The following CNTNAP5 variants were observed in gnomAD, a reference collection of about 807,000 sequenced individuals.
The protein encoded by CNTNAP5 is contactin associated protein family member 5, also known as contactin-associated protein-like 5.
A neutral mutation model predicts 150.2 loss-of-function variants in CNTNAP5; 72 were observed. The observed-to-expected ratio is 0.48, with a 90% CI of 0.40 to 0.58. The LOEUF is 0.58. Ranked by LOEUF, CNTNAP5 falls within the 20% of genes least tolerant of loss-of-function variation. The pLI is 0.00. For synonymous variants in CNTNAP5, 672 were observed against 619.8 expected (o/e 1.08, Z -1.25); for missense variants, 1,636 against 1,626.2 (o/e 1.01, Z -0.10).
intron 13 of CNTNAP5, among the ~76,000 whole-genome samples, chr2:124,714,757 A>G (rs1364643544): frequency 6.6e-6 from 1 of 151,832 alleles, no homozygotes; most frequent in Non-Finnish European, 1.5e-5. Context: ...AGCTACCTAC[A>G]TATTAAATAT....
At chr2:124,832,893 C>T (rs1434010698) in intron 19 of CNTNAP5, among the ~76,000 whole-genome samples, 2 of 149,996 alleles carry the variant, frequency 1.3e-5, no homozygotes, top group African/African-American at 2.5e-5. Context: ...AAGCTCTGAA[C>T]TTTCTTTTTC....
intron 1 of CNTNAP5, among the ~76,000 whole-genome samples, chr2:124,090,748 T>C (rs2104685769): frequency 6.6e-6 from 1 of 152,348 alleles, no homozygotes; most frequent in African/African-American, 2.4e-5. Flanking sequence ...AGAAACTTTT[T>C]TGTTATCTTT....
intron 19 of CNTNAP5, among the ~76,000 whole-genome samples, chr2:124,820,543 G>A (rs1682465358): frequency 1.3e-5 from 2 of 151,918 alleles, no homozygotes; most frequent in Non-Finnish European, 1.5e-5. Context: ...GAAAGGGGGG[G>A]GAGAAAGAAA....
Position 124,918,425 on chromosome 2 carries a change from CTGAG to C in CNTNAP5, c.*4144_*4147del, listed in dbSNP as rs1291345562. Among the ~76,000 whole-genome samples, 12 of 152,148 alleles carry C rather than the reference CTGAG, an allele frequency of 7.9e-5. No individual in the cohort carries two copies. The highest frequency in any genetic ancestry group is 3.9e-4 in the East Asian group (2 of 5,154). On this transcript the variant is annotated 3_prime_UTR_variant, in exon 24 of 24. Coordinates refer to ENST00000682447, the MANE Select transcript of CNTNAP5 (RefSeq NM_001367498.1). ...TTTATGTGAGGTCTCACCTCTGAGC[CTGAG>C]TGAGTGTTTCCTGTCTTGAAGGTCA... is the stretch of plus-strand genomic sequence containing the variant.
At chr2:124,699,537 A>G (rs921497517) in intron 13 of CNTNAP5, among the ~76,000 whole-genome samples, 1 of 152,164 alleles carries the variant, frequency 6.6e-6, no homozygotes, top group Admixed American at 6.5e-5. Context: ...GTGCTGGGAA[A>G]TGGGATTTCT....
At chr2:124,905,377 G>T (rs137958757) in intron 22 of CNTNAP5, among the ~76,000 whole-genome samples, 84 of 151,942 alleles carry the variant, frequency 5.5e-4, no homozygotes, top group African/African-American at 1.9e-3. Context: ...GAGTAGAGAG[G>T]TTTGTCAAAA....
intron 3 of CNTNAP5, among the ~76,000 whole-genome samples, chr2:124,270,535 G>C (rs1687721231): frequency 6.6e-6 from 1 of 152,182 alleles, no homozygotes; most frequent in Admixed American, 6.5e-5. Flanking sequence ...TGCATGTTTG[G>C]AGACGGGCCA....
intron 19 of CNTNAP5, among the ~76,000 whole-genome samples, chr2:124,824,479 G>T (rs559964149): frequency 6.6e-6 from 1 of 152,186 alleles, no homozygotes; most frequent in African/African-American, 2.4e-5. Context: ...CCATGGAAAG[G>T]GGTTCATTAG....
At chr2:124,395,940 C>A (rs1026011815) in intron 3 of CNTNAP5, among the ~76,000 whole-genome samples, 3 of 152,116 alleles carry the variant, frequency 2.0e-5, no homozygotes, top group Non-Finnish European at 2.9e-5. Context: ...TAAACTTAGG[C>A]AATGTGCCCC....
intron 2 of CNTNAP5, among the ~76,000 whole-genome samples, chr2:124,239,510 A>T (rs779848117): frequency 3.9e-5 from 6 of 152,182 alleles, no homozygotes; most frequent in Non-Finnish European, 7.3e-5. Context: ...TTACGCAATA[A>T]ATCACATATG....
chr2:124,808,586 C>CAA (rs752625317), intron 19 of CNTNAP5, among the ~76,000 whole-genome samples: 177 of 93,650 alleles, frequency 1.9e-3, no homozygotes, highest in African/African-American at 7.0e-3. Flanking sequence ...AGACTTGGTC[C>CAA]AAAAAAAAAA....
intron 7 of CNTNAP5, among the ~76,000 whole-genome samples, chr2:124,489,419 A>G (rs962129356): frequency 1.3e-5 from 2 of 152,210 alleles, no homozygotes; most frequent in Admixed American, 1.3e-4. Context: ...TAAGGACACC[A>G]GTCCTGTTAG....
chr2:124,155,550 C>G (rs1410441368), intron 1 of CNTNAP5, among the ~76,000 whole-genome samples: 1 of 151,970 alleles, frequency 6.6e-6, no homozygotes, highest in African/African-American at 2.4e-5. Context: ...ATAGGATTTA[C>G]TAGGAAAAAA....
chr2:124,492,657 G>T (rs1035055738), intron 7 of CNTNAP5, among the ~76,000 whole-genome samples: 2 of 152,110 alleles, frequency 1.3e-5, no homozygotes, highest in Admixed American at 6.6e-5. Flanking sequence ...ATATACAGAT[G>T]ACTTTGGGTA....
chr2:124,613,795 T>G (rs1677436473), intron 12 of CNTNAP5, among the ~76,000 whole-genome samples: 2 of 152,096 alleles, frequency 1.3e-5, no homozygotes, highest in African/African-American at 2.4e-5. Flanking sequence ...AACCACCCTA[T>G]GTAATGTAAA....
chr2:124,247,775 G>A (rs1029804918), intron 3 of CNTNAP5, among the ~76,000 whole-genome samples: 2 of 152,096 alleles, frequency 1.3e-5, no homozygotes. Flanking sequence ...TGTAGACTAA[G>A]AGCACACTCG....
At chr2:124,239,047 G>A (rs1455999380) in intron 2 of CNTNAP5, among the ~76,000 whole-genome samples, 2 of 152,162 alleles carry the variant, frequency 1.3e-5, no homozygotes, top group African/African-American at 4.8e-5. Context: ...AACATGATGT[G>A]TTGATGAATG....
intron 1 of CNTNAP5, among the ~76,000 whole-genome samples, chr2:124,098,133 C>A (rs191011308): frequency 6.6e-6 from 1 of 152,152 alleles, no homozygotes; most frequent in Non-Finnish European, 1.5e-5. Flanking sequence ...TCAGTGATCA[C>A]GTAAACAGTT....
At chr2:124,665,907 T>C (rs528194921) in intron 13 of CNTNAP5, among the ~76,000 whole-genome samples, 4 of 151,706 alleles carry the variant, frequency 2.6e-5, no homozygotes, top group South Asian at 4.2e-4. Context: ...AAATTATACA[T>C]ATTTATTGAT....
Sources: allele counts gnomAD v4.1 joint callset (sites outside exome capture counted in the v4.1 genomes callset), GRCh38; gene constraint gnomAD v4.1.1; transcripts MANE v1.5; gene names NCBI Gene and HGNC (gene_info 2026-07-23, HGNC 2026-07-21).